Variants in ZNF566 observed in about 807,000 individuals in gnomAD.
The protein encoded by ZNF566 is zinc finger protein 566.
Under a neutral mutation model 32.8 loss-of-function variants are expected in ZNF566, and 27 were observed. That is an observed-to-expected ratio of 0.82 (90% CI 0.61 to 1.14). The LOEUF is 1.14. Ranked by LOEUF, ZNF566 falls within the 50% of genes most tolerant of loss-of-function variation. The probability of loss-of-function intolerance (pLI) is 0.00; values close to 1 mark genes in which losing one functional copy is unlikely to be tolerated. For missense variants in ZNF566, 402 were observed against 490.4 expected (o/e 0.82, Z 1.70); for synonymous variants, 154 against 159.5 (o/e 0.97, Z 0.26).
intron 2 of ZNF566, chr19:36,476,149 T>C (rs2033879074): frequency 1.3e-5 from 2 of 154,970 alleles, no homozygotes; most frequent in South Asian, 3.9e-4. Context: ...CTACTAAAAA[T>C]ACAAAAATTA....
chr19:36,459,925 C>T (rs1192175209), intron 4 of ZNF566, among the ~76,000 whole-genome samples: 1 of 150,582 alleles, frequency 6.6e-6, no homozygotes, highest in Non-Finnish European at 1.5e-5. Flanking sequence ...TTCAAGAGAT[C>T]CTCCTGCCTC....
rs886422512 is a variant in ZNF566 at position 36,472,900 on chromosome 19, G to A, written c.232+11C>T. 37 of 1,606,888 alleles carry A rather than the reference G, an allele frequency of 2.3e-5. No individual in the cohort carries two copies. The highest frequency in any genetic ancestry group is 3.1e-5 in the Non-Finnish European group (36 of 1,176,650). On this transcript the variant is annotated intron_variant, in intron 4 of 4. Transcript: ENST00000452939. ...AGCCAAATCACGCATTACCTGCTGTGCCTCACTTACCTGGCCACTGGCCTC... is the reference window on the plus strand; with the variant it reads ...AGCCAAATCACGCATTACCTGCTGTACCTCACTTACCTGGCCACTGGCCTC...
At chr19:36,455,692 A>G (rs2033285344) in intron 4 of ZNF566, among the ~76,000 whole-genome samples, 1 of 152,046 alleles carries the variant, frequency 6.6e-6, no homozygotes, top group Non-Finnish European at 1.5e-5. Flanking sequence ...GCGAGCCAAG[A>G]TCATGCCACT....
Position 36,472,981 on chromosome 19 carries a change from C to G in ZNF566, c.162G>C (p.Val54=), listed in dbSNP as rs878880690. 1 of 1,613,648 alleles carries G rather than the reference C, an allele frequency of 6.2e-7. No individual in the cohort carries two copies. The highest frequency in any genetic ancestry group is 1.3e-5 in the African/African-American group (1 of 74,886). Residue 54 remains valine, a synonymous_variant, in exon 4 of 5, where the codon GTG becomes GTC. Coordinates refer to ENST00000452939, the MANE Select transcript of ZNF566 (RefSeq NM_001145344.1). Reference sequence around the variant, plus strand: ...CCTTCCCTTGCTCCAAGTAGGAGATCACATTTGGTTTAGAAATAGAATGCC... The same window carrying G: ...CCTTCCCTTGCTCCAAGTAGGAGATGACATTTGGTTTAGAAATAGAATGCC... ...SMGHSISKPN[V]ISYLEQGKEP...
chr19:36,486,009 G>T (rs2034153666), intron 1 of ZNF566, among the ~76,000 whole-genome samples: 1 of 152,036 alleles, frequency 6.6e-6, no homozygotes. Context: ...AGCCAAGATT[G>T]TGCCATTACA....
At chr19:36,485,774 G>A (rs935053774) in intron 1 of ZNF566, among the ~76,000 whole-genome samples, 26 of 149,462 alleles carry the variant, frequency 1.7e-4, no homozygotes, top group Admixed American at 9.4e-4. Flanking sequence ...AAAAAAAAGC[G>A]GTCAGGCGCG....
rs980216228 is a variant in ZNF566 at position 36,447,410 on chromosome 19, C to G, written c.*1567G>C. On this transcript the variant is annotated 3_prime_UTR_variant, in exon 5 of 5. Transcript: ENST00000452939. ...TTCATTAGTAATAGTTAACTGATCA[C>G]ATGCTAATTTTTCCCTGTTCTCTGT... 6.6e-6 allele frequency: 1 copy of G among 152,166 alleles called. No homozygotes were observed. Among genetic ancestry groups the G allele is most frequent in the African/African-American group, 2.4e-5 (1 of 41,444 alleles). The allele number at this position is 152,166 out of a possible 1,614,324, so 9.4% of individuals were successfully genotyped here.
intron 1 of ZNF566, among the ~76,000 whole-genome samples, chr19:36,481,026 AGAGT>A (rs1213152689): frequency 6.6e-6 from 1 of 151,952 alleles, no homozygotes; most frequent in Admixed American, 6.6e-5. Context: ...CTGGGCAACA[AGAGT>A]GAGACTTCGT....
intron 4 of ZNF566, among the ~76,000 whole-genome samples, chr19:36,464,639 G>A (rs562853058): frequency 2.2e-3 from 332 of 152,196 alleles, no homozygotes; most frequent in Non-Finnish European, 3.7e-3. Flanking sequence ...AAAGTTAGCC[G>A]GGAGTGATGG....
Position 36,447,880 on chromosome 19 carries a change from C to G in ZNF566, c.*1097G>C, listed in dbSNP as rs2033035879. The G allele has an allele frequency of 6.6e-6, 1 of 152,130 alleles. No homozygotes were observed. Among genetic ancestry groups the G allele is most frequent in the Non-Finnish European group, 1.5e-5 (1 of 68,010 alleles). 9.4% of individuals were successfully genotyped at this position (152,130 alleles called of 1,614,324 possible). A position where few individuals can be genotyped will look rare whatever the true frequency, so the allele number is the denominator to read the frequency against. On this transcript the variant is annotated 3_prime_UTR_variant, in exon 5 of 5. Transcript: ENST00000452939. ...CACCCTGCCTAATGGTGACTAAGTT[C>G]TGCAGAAGTTAAAAAGCCTTTCTAC...
chr19:36,470,664 A>C (rs2033738868), intron 4 of ZNF566, among the ~76,000 whole-genome samples: 1 of 152,212 alleles, frequency 6.6e-6, no homozygotes, highest in Admixed American at 6.5e-5. Context: ...TTATCCCAGC[A>C]CGTTGGGAGG....
intron 2 of ZNF566, 32 bp from the exon 3 acceptor site, chr19:36,473,490 A>G: frequency 6.6e-7 from 1 of 1,505,108 alleles, no homozygotes; most frequent in Non-Finnish European, 8.9e-7. Context: ...TGACTTCATT[A>G]ATTTTTTAAA....
chr19:36,469,201 G>C (rs987931090), intron 4 of ZNF566, among the ~76,000 whole-genome samples: 4 of 151,858 alleles, frequency 2.6e-5, no homozygotes, highest in Non-Finnish European at 5.9e-5. Flanking sequence ...AGAATTACAT[G>C]AGATTATGCA....
intron 4 of ZNF566, among the ~76,000 whole-genome samples, chr19:36,460,760 C>T (rs1445090382): frequency 6.6e-6 from 1 of 152,086 alleles, no homozygotes; most frequent in Non-Finnish European, 1.5e-5. Context: ...TACTCAGACA[C>T]ATCATAATCA....
chr19:36,489,441 G>T, intron 1 of ZNF566, 45 bp downstream of exon 1: 1 of 302,200 alleles, frequency 3.3e-6, no homozygotes, highest in South Asian at 2.9e-5. Flanking sequence ...CCGAGGCTTG[G>T]CCCCCGGCCC....
rs2033020789 is a variant in ZNF566, at chr19:36,447,377, T to C, written c.*1600A>G. 1 of 152,190 alleles carries C rather than the reference T, an allele frequency of 6.6e-6. No homozygotes were observed. The highest frequency in any genetic ancestry group is 2.4e-5 in the African/African-American group (1 of 41,442). The allele number at this position is 152,190 out of a possible 1,614,324, so 9.4% of individuals were successfully genotyped here. A position where few individuals can be genotyped will look rare whatever the true frequency, so the allele number is the denominator to read the frequency against. ...AAGTTTTCCTTAGAAAGAAACTGGATTTGGTGCTTCATTAGTAATAGTTAA... is the reference window on the plus strand; with the variant it reads ...AAGTTTTCCTTAGAAAGAAACTGGACTTGGTGCTTCATTAGTAATAGTTAA... On this transcript the variant is annotated 3_prime_UTR_variant, in exon 5 of 5. Transcript: ENST00000452939.
intron 1 of ZNF566, among the ~76,000 whole-genome samples, chr19:36,480,984 A>G (rs2034015200): frequency 6.6e-6 from 1 of 152,014 alleles, no homozygotes. Context: ...CAGAGGTTGC[A>G]GTAAGCTGAG....
intron 4 of ZNF566, among the ~76,000 whole-genome samples, chr19:36,469,803 G>A (rs1407702978): frequency 6.6e-6 from 1 of 151,936 alleles, no homozygotes; most frequent in African/African-American, 2.4e-5. Flanking sequence ...ATCTATATGC[G>A]TAAAGTGTGC....
intron 4 of ZNF566, among the ~76,000 whole-genome samples, chr19:36,457,110 G>T (rs1269107901): frequency 6.6e-6 from 1 of 152,158 alleles, no homozygotes; most frequent in Non-Finnish European, 1.5e-5. Context: ...TGCATTTATG[G>T]TCATTGGATT....
Sources: allele counts gnomAD v4.1 joint callset (sites outside exome capture counted in the v4.1 genomes callset), GRCh38; gene constraint gnomAD v4.1.1; transcripts MANE v1.5; gene names NCBI Gene and HGNC (gene_info 2026-07-23, HGNC 2026-07-21).